Variants in KCNIP4 observed in about 807,000 individuals in gnomAD.
KCNIP4 encodes the protein Kv channel-interacting protein 4.
A neutral mutation model predicts 34.0 loss-of-function variants in KCNIP4; 12 were observed. That is an observed-to-expected ratio of 0.35 (90% CI 0.23 to 0.57). The LOEUF is 0.57. Among genes scored for constraint, KCNIP4 ranks in the 20% least tolerant of loss-of-function variants. KCNIP4 has a pLI of 0.83. For missense variants in KCNIP4, 238 were observed against 311.7 expected, an observed-to-expected ratio of 0.76 and a Z score of 1.78; for synonymous variants, 124 against 102.2, an observed-to-expected ratio of 1.21 and a Z score of -1.29.
Position 21,410,679 on chromosome 4 carries a change from C to T in KCNIP4, c.62-527970G>A, listed in dbSNP as rs560962216. ...ACAACACCAAGCTAGAACCTCCCAG[C>T]CAGGCCATTTCTGAATTCCTGACCC... On this transcript the variant is annotated intron_variant, in intron 1 of 8. Transcript: ENST00000382152. Among the ~76,000 whole-genome samples, 3 of 152,282 alleles carry T rather than the reference C, an allele frequency of 2.0e-5. No homozygotes were observed. In the South Asian group the frequency reaches 6.2e-4, roughly 32 times the overall value.
chr4:20,874,721 AC>A (rs2149514363), intron 2 of KCNIP4, among the ~76,000 whole-genome samples: 1 of 151,704 alleles, frequency 6.6e-6, no homozygotes, highest in South Asian at 2.1e-4. Flanking sequence ...AGAGATTATA[AC>A]CCTTGTGATC....
intron 1 of KCNIP4, among the ~76,000 whole-genome samples, chr4:20,929,738 A>G (rs988185376): frequency 2.6e-5 from 4 of 152,134 alleles, no homozygotes; most frequent in Admixed American, 2.0e-4. Context: ...ATACACTAAT[A>G]ACAACATATC....
intron 1 of KCNIP4, among the ~76,000 whole-genome samples, chr4:21,159,277 T>C: frequency 6.6e-6 from 1 of 152,176 alleles, no homozygotes; most frequent in East Asian, 1.9e-4. Flanking sequence ...AGTTAATCAA[T>C]GGAATAGAAA....
chr4:21,612,417 G>C (rs1394857589), intron 1 of KCNIP4, among the ~76,000 whole-genome samples: 1 of 152,186 alleles, frequency 6.6e-6, no homozygotes, highest in Non-Finnish European at 1.5e-5. Context: ...TTTGAAACTA[G>C]TCTGGGTAAC....
intron 1 of KCNIP4, among the ~76,000 whole-genome samples, chr4:21,815,874 T>A (rs1468685527): frequency 6.6e-6 from 1 of 152,182 alleles, no homozygotes; most frequent in African/African-American, 2.4e-5. Flanking sequence ...TGGTATGATC[T>A]CCAGAAATAT....
At chr4:21,474,216 C>G (rs1730717199) in intron 1 of KCNIP4, among the ~76,000 whole-genome samples, 1 of 152,064 alleles carries the variant, frequency 6.6e-6, no homozygotes, top group African/African-American at 2.4e-5. Flanking sequence ...TGAATTTCTA[C>G]TTAAGAGCAG....
At chr4:20,880,199 G>A (rs1724518394) in intron 2 of KCNIP4, among the ~76,000 whole-genome samples, 1 of 152,132 alleles carries the variant, frequency 6.6e-6, no homozygotes. Context: ...TTACTTCATG[G>A]TAGCAGATTA....
chr4:21,091,534 T>C (rs369211979), intron 1 of KCNIP4, among the ~76,000 whole-genome samples: 24 of 152,342 alleles, frequency 1.6e-4, no homozygotes, highest in East Asian at 1.5e-3. Context: ...ACATATGTCA[T>C]CCATTTTATG....
chr4:21,107,505 G>A (rs368832261), intron 1 of KCNIP4, among the ~76,000 whole-genome samples: 1 of 150,766 alleles, frequency 6.6e-6, no homozygotes, highest in African/African-American at 2.5e-5. Flanking sequence ...CTGCACATGA[G>A]ATGGGTTTCC....
chr4:21,720,530 CTT>C (rs71191598), intron 1 of KCNIP4, among the ~76,000 whole-genome samples: 34,884 of 140,206 alleles, frequency 0.25, 7,448 homozygotes, highest in African/African-American at 0.6. Flanking sequence ...TGTTTTTTTT[CTT>C]TTTTTTTTTT....
chr4:20,769,133 A>C (rs557536019), intron 3 of KCNIP4, among the ~76,000 whole-genome samples: 20 of 152,282 alleles, frequency 1.3e-4, no homozygotes, highest in African/African-American at 4.6e-4. Flanking sequence ...AAATAATTGA[A>C]AAGTTCTGCT....
intron 1 of KCNIP4, among the ~76,000 whole-genome samples, chr4:21,842,622 G>T (rs1723754276): frequency 6.6e-6 from 1 of 152,000 alleles, no homozygotes; most frequent in African/African-American, 2.4e-5. Flanking sequence ...GCTCTATGGA[G>T]ATACTTTTGC....
At chr4:21,412,328 C>A (rs1294766616) in intron 1 of KCNIP4, among the ~76,000 whole-genome samples, 1 of 152,164 alleles carries the variant, frequency 6.6e-6, no homozygotes, top group East Asian at 1.9e-4. Context: ...TCCATGGATT[C>A]CACATGGATT....
chr4:21,151,278 A>G (rs923618957), intron 1 of KCNIP4, among the ~76,000 whole-genome samples: 2 of 152,170 alleles, frequency 1.3e-5, no homozygotes, highest in Non-Finnish European at 2.9e-5. Flanking sequence ...TCATGATTTT[A>G]TTAAAATTAC....
At chr4:21,328,695 G>A (rs1560294715) in intron 1 of KCNIP4, among the ~76,000 whole-genome samples, 1 of 152,206 alleles carries the variant, frequency 6.6e-6, no homozygotes. Context: ...TCCCAGACAG[G>A]TCCAGAGATG....
intron 1 of KCNIP4, among the ~76,000 whole-genome samples, chr4:21,695,256 G>A (rs28513676): frequency 0.044 from 6,744 of 152,150 alleles, 484 homozygotes; most frequent in African/African-American, 0.15. Flanking sequence ...ATTTTGAGTA[G>A]TTGTAAAGAT....
intron 1 of KCNIP4, among the ~76,000 whole-genome samples, chr4:21,203,400 C>A (rs1249214828): frequency 8.1e-6 from 1 of 123,584 alleles, no homozygotes; most frequent in Non-Finnish European, 1.6e-5. Context: ...GAGCCCAAAT[C>A]ATAGTTTTTA....
intron 1 of KCNIP4, among the ~76,000 whole-genome samples, chr4:20,953,400 A>C (rs986358310): frequency 6.6e-6 from 1 of 152,334 alleles, no homozygotes. Context: ...GACCGGGTGC[A>C]GTGGCTCACA....
rs139709962 is a variant in KCNIP4, at chr4:21,009,281, T to C, written c.62-126572A>G. Among the ~76,000 whole-genome samples the C allele has an allele frequency of 9.2e-5, 14 of 152,314 alleles. No individual in the cohort carries two copies. The East Asian group carries it at 2.5e-3, about 27-fold the overall frequency. ...TGATACTCAATACATACTTATCCAA[T>C]GAATAAATGAGTGAATAAAATTTCA... On this transcript the variant is annotated intron_variant, in intron 1 of 8. Coordinates refer to ENST00000382152, the MANE Select transcript of KCNIP4 (RefSeq NM_025221.6).
Sources: allele counts gnomAD v4.1 joint callset (sites outside exome capture counted in the v4.1 genomes callset), GRCh38; gene constraint gnomAD v4.1.1; transcripts MANE v1.5; gene names NCBI Gene and HGNC (gene_info 2026-07-23, HGNC 2026-07-21).